Variants in CMSS1 observed in about 807,000 individuals in gnomAD.
CMSS1 encodes the protein cms1 ribosomal small subunit homolog.
In CMSS1, 33 loss-of-function variants were observed where a neutral mutation model predicts 43.5. The observed-to-expected ratio is 0.76, with a 90% CI of 0.57 to 1.01. The LOEUF is 1.01. Ranked by LOEUF, CMSS1 falls within the 50% of genes least tolerant of loss-of-function variation. The probability of loss-of-function intolerance (pLI) is 0.00; values close to 1 mark genes in which losing one functional copy is unlikely to be tolerated. For missense variants in CMSS1, 313 were observed against 326.4 expected (o/e 0.96, Z 0.32); for synonymous variants, 115 against 117.2 (o/e 0.98, Z 0.12).
intron 1 of CMSS1, among the ~76,000 whole-genome samples, chr3:99,878,744 G>C (rs968776457): frequency 6.6e-6 from 1 of 152,180 alleles, no homozygotes; most frequent in African/African-American, 2.4e-5. Context: ...CGAAAGTCAA[G>C]GGTTTTGAGG....
chr3:99,928,064 A>G (rs1039351869), intron 1 of CMSS1, among the ~76,000 whole-genome samples: 1 of 152,222 alleles, frequency 6.6e-6, no homozygotes, highest in Non-Finnish European at 1.5e-5. Flanking sequence ...GGGGCTGTTA[A>G]CACTTCAAGA....
At chr3:100,062,226 C>T (rs1039906662) in intron 1 of CMSS1, among the ~76,000 whole-genome samples, 1 of 150,000 alleles carries the variant, frequency 6.7e-6, no homozygotes, top group Non-Finnish European at 1.5e-5. Flanking sequence ...ATTCTCCTGC[C>T]TCAGCTGCCC....
At chr3:100,144,433 T>TA (rs746382882) in intron 1 of CMSS1, among the ~76,000 whole-genome samples, 7 of 152,184 alleles carry the variant, frequency 4.6e-5, no homozygotes, top group Admixed American at 1.3e-4. Flanking sequence ...TCACCATTGA[T>TA]ACTGCAGTGG....
intron 1 of CMSS1, among the ~76,000 whole-genome samples, chr3:100,049,335 A>AC (rs1398371764): frequency 1.3e-5 from 2 of 152,116 alleles, no homozygotes; most frequent in Non-Finnish European, 2.9e-5. Flanking sequence ...TTGTTATGAA[A>AC]CCCTAGGGTC....
At position 99,988,511 on chromosome 3, in the gene CMSS1, C is replaced by CAAA. The variant is rs757175318; in HGVS notation, c.65-158445_65-158443dup. Among the ~76,000 whole-genome samples, 473 of 47,720 alleles carry CAAA rather than the reference C, an allele frequency of 9.9e-3. 8 individuals carry two copies. Among genetic ancestry groups the CAAA allele is most frequent in the Non-Finnish European group, 0.012 (278 of 24,044 alleles). 31.3% of individuals were successfully genotyped at this position (47,720 alleles called of 152,430 possible). On this transcript the variant is annotated intron_variant, in intron 1 of 9. Transcript: ENST00000421999. The stretch of plus-strand genomic sequence containing the variant: ...TGGGCGACAGAGCGAGACTCCATCT[C>CAAA]AAAAAAAAAAAAAAAAAAAGAAAGA...
intron 1 of CMSS1, among the ~76,000 whole-genome samples, chr3:100,046,155 C>T (rs1559738216): frequency 6.6e-6 from 1 of 152,154 alleles, no homozygotes; most frequent in Non-Finnish European, 1.5e-5. Flanking sequence ...ATAACAGGCT[C>T]ATCAAATTTC....
At chr3:99,848,834 T>A in intron 1 of CMSS1, 1 of 1,614,160 alleles carries the variant, frequency 6.2e-7, no homozygotes, top group East Asian at 2.2e-5. Flanking sequence ...TTTTGGAGGA[T>A]GGTTATCCTT....
In CMSS1 at chr3:100,178,368, T is replaced by A; in HGVS notation, c.820T>A (p.Leu274Met). The change falls in exon 10 of 10, where the codon TTG (leucine) becomes ATG (methionine). Residue 274 changes from leucine (L) to methionine (M), a missense_variant. Leu to Met is a conservative substitution (Grantham distance 15). Coordinates refer to ENST00000421999, the MANE Select transcript of CMSS1 (RefSeq NM_032359.4). ...GVLSLCKSES[L>M]KLGLF The stretch of plus-strand genomic sequence containing the variant: ...GCTCAGTCTGTGCAAGTCAGAATCC[T>A]TGAAACTGGGCCTTTTCTAAGTCTG... 1 of 1,612,262 alleles carries A rather than the reference T, an allele frequency of 6.2e-7. No homozygotes were observed. Among genetic ancestry groups the A allele is most frequent in the Non-Finnish European group, 8.5e-7 (1 of 1,178,386 alleles).
chr3:99,979,119 G>C (rs1222746845), intron 1 of CMSS1, among the ~76,000 whole-genome samples: 1 of 152,094 alleles, frequency 6.6e-6, no homozygotes, highest in Non-Finnish European at 1.5e-5. Context: ...ACAAAGAAAT[G>C]ATAAATGTTT....
intron 1 of CMSS1, among the ~76,000 whole-genome samples, chr3:99,921,037 G>T (rs1707108297): frequency 6.6e-6 from 1 of 152,144 alleles, no homozygotes; most frequent in South Asian, 2.1e-4. Flanking sequence ...TTGTTTCACT[G>T]CTGGGAGGGT....
At chr3:99,949,726 G>A (rs187515076) in intron 1 of CMSS1, among the ~76,000 whole-genome samples, 11 of 152,196 alleles carry the variant, frequency 7.2e-5, no homozygotes, top group Non-Finnish European at 8.8e-5. Flanking sequence ...TGAAATATTT[G>A]TAGTGGTTCT....
At chr3:100,156,088 CT>C (rs924111118) in intron 2 of CMSS1, among the ~76,000 whole-genome samples, 1 of 151,458 alleles carries the variant, frequency 6.6e-6, no homozygotes, top group African/African-American at 2.4e-5. Flanking sequence ...ATATATATTT[CT>C]TTTTTTTAAA....
intron 1 of CMSS1, chr3:99,850,433 G>A (rs1943620417): frequency 1.2e-6 from 2 of 1,613,958 alleles, no homozygotes; most frequent in Non-Finnish European, 1.7e-6. Flanking sequence ...TCAACCTCTA[G>A]TTTAAAGTCT....
intron 1 of CMSS1, among the ~76,000 whole-genome samples, chr3:100,074,675 AT>A (rs555819875): frequency 2.9e-4 from 10 of 34,776 alleles, no homozygotes; most frequent in African/African-American, 1.2e-3. Flanking sequence ...GCAACATTTG[AT>A]TTTTTTTTTT....
At chr3:100,164,715 A>G (rs2067052363) in intron 4 of CMSS1, among the ~76,000 whole-genome samples, 1 of 152,092 alleles carries the variant, frequency 6.6e-6, no homozygotes, top group Non-Finnish European at 1.5e-5. Flanking sequence ...GGGGAAGGAG[A>G]TACAGTGGGT....
chr3:99,943,618 C>T (rs1254138694), intron 1 of CMSS1, among the ~76,000 whole-genome samples: 2 of 151,948 alleles, frequency 1.3e-5, no homozygotes, highest in African/African-American at 2.4e-5. Flanking sequence ...GCAGGAGAAT[C>T]GCTTGAACCC....
intron 2 of CMSS1, chr3:100,159,811 T>C (rs1168972444): frequency 1.4e-5 from 6 of 434,256 alleles, no homozygotes; most frequent in Middle Eastern, 6.6e-4. Context: ...GCAAAACAGA[T>C]TACTCTAGAT....
At chr3:100,160,527 G>T (rs1241353371) in intron 3 of CMSS1, 26 bp downstream of exon 3, 1 of 1,131,806 alleles carries the variant, frequency 8.8e-7, no homozygotes, top group Middle Eastern at 2.0e-4. Context: ...TCTTAAATTT[G>T]TATGGCCCCA....
intron 1 of CMSS1, among the ~76,000 whole-genome samples, chr3:100,052,474 G>T (rs2065390862): frequency 6.6e-6 from 1 of 152,080 alleles, no homozygotes; most frequent in South Asian, 2.1e-4. Context: ...TTGGAGGATG[G>T]GTCTTATGGC....
Sources: allele counts gnomAD v4.1 joint callset (sites outside exome capture counted in the v4.1 genomes callset), GRCh38; gene constraint gnomAD v4.1.1; transcripts MANE v1.5; gene names NCBI Gene and HGNC (gene_info 2026-07-23, HGNC 2026-07-21).